Variants in PDGFC observed in about 807,000 individuals in gnomAD.
PDGFC encodes the protein platelet derived growth factor C, also known as platelet-derived growth factor C.
A neutral mutation model predicts 35.5 loss-of-function variants in PDGFC; 12 were observed. That is an observed-to-expected ratio of 0.34 (90% CI 0.22 to 0.55). PDGFC has a LOEUF of 0.55. Among genes scored for constraint, PDGFC ranks in the 20% least tolerant of loss-of-function variants. The pLI, the probability that PDGFC is intolerant of heterozygous loss-of-function variation, is 0.91. For missense variants in PDGFC, 322 were observed against 412.4 expected (o/e 0.78, Z 1.90); for synonymous variants, 159 against 148.8 (o/e 1.07, Z -0.50).
intron 2 of PDGFC, among the ~76,000 whole-genome samples, chr4:156,829,471 A>G (rs1728872563): frequency 6.6e-6 from 1 of 152,174 alleles, no homozygotes; most frequent in African/African-American, 2.4e-5. Flanking sequence ...CAATATCCCT[A>G]GGCAGAGATT....
In PDGFC at chr4:156,806,028, T is replaced by C. The variant is rs78408292; in HGVS notation, c.495+4809A>G. On this transcript the variant is annotated intron_variant, in intron 3 of 5. Transcript: ENST00000502773. ...AAAACACACAGTGGGGGTTATAATG[T>C]GGCTATAATACTTACATACTATACT... is the stretch of plus-strand genomic sequence containing the variant. Among the ~76,000 whole-genome samples the C allele has an allele frequency of 8.5e-5, 13 of 152,182 alleles. No homozygotes were observed. In the East Asian group the frequency reaches 2.5e-3, roughly 29 times the overall value.
At chr4:156,813,842 T>C (rs1732006917) in intron 2 of PDGFC, among the ~76,000 whole-genome samples, 1 of 152,140 alleles carries the variant, frequency 6.6e-6, no homozygotes, top group Non-Finnish European at 1.5e-5. Context: ...TTTTAAAAAA[T>C]TGAAGATCTG....
Position 156,854,412 on chromosome 4 carries a change from T to C in PDGFC, c.119-3996A>G, listed in dbSNP as rs568474394. On this transcript the variant is annotated intron_variant, in intron 1 of 5. Coordinates refer to ENST00000502773, the MANE Select transcript of PDGFC (RefSeq NM_016205.3). ...TTTCCTTTATAATTCACTATTAAAT[T>C]GGACTATATTTAAACATAATTTAAA... Among the ~76,000 whole-genome samples the C allele has an allele frequency of 4.6e-5, 7 of 152,252 alleles. 1 individual carries two copies. The South Asian group carries it at 1.5e-3, about 32-fold the overall frequency.
At position 156,761,009 on chromosome 4, in the gene PDGFC, C is replaced by T. The variant is rs1313150975; in HGVS notation, c.*2081G>A. ...GGAAGTAAGACAGAACACATAGGCT[C>T]ATTTTGTTTCTTTGTTTTCCACATA... On this transcript the variant is annotated 3_prime_UTR_variant, in exon 6 of 6. Transcript: ENST00000502773. 1 of 152,092 alleles carries T rather than the reference C, an allele frequency of 6.6e-6. No homozygotes were observed. Among genetic ancestry groups the T allele is most frequent in the East Asian group, 1.9e-4 (1 of 5,176 alleles). The allele number at this position is 152,092 out of a possible 1,614,324, so 9.4% of individuals were successfully genotyped here.
intron 1 of PDGFC, among the ~76,000 whole-genome samples, chr4:156,964,553 A>G (rs1015810214): frequency 6.6e-6 from 1 of 151,664 alleles, no homozygotes; most frequent in African/African-American, 2.4e-5. Context: ...TGTTCCCGTA[A>G]ATATTTCCGA....
At chr4:156,856,306 A>C (rs1399629810) in intron 1 of PDGFC, among the ~76,000 whole-genome samples, 1 of 152,194 alleles carries the variant, frequency 6.6e-6, no homozygotes, top group East Asian at 1.9e-4. Context: ...AAGACAGTTA[A>C]TCACTTTATT....
At chr4:156,901,022 T>G (rs574603167) in intron 1 of PDGFC, among the ~76,000 whole-genome samples, 119 of 151,910 alleles carry the variant, frequency 7.8e-4, no homozygotes, top group Non-Finnish European at 1.5e-3. Context: ...ATGCAAAAGA[T>G]GAAACTGAAA....
rs760123852 is a variant in PDGFC, at chr4:156,772,852, T to C, written c.537A>G (p.Ser179=). Residue 179 remains serine (S), a synonymous_variant, in exon 4 of 6, where the codon TCA becomes TCG. Transcript: ENST00000502773. ...EAVSPSVLPP[S]ALPLDLLNNA... Reference sequence around the variant, plus strand: ...TATTAAGCAGGTCCAGTGGCAAAGCTGAAGGGGGTAGCACTGAAGGACTCA... The same window carrying C: ...TATTAAGCAGGTCCAGTGGCAAAGCCGAAGGGGGTAGCACTGAAGGACTCA... The C allele has an allele frequency of 3.1e-6, 5 of 1,613,330 alleles. No individual in the cohort carries two copies. The highest frequency in any genetic ancestry group is 2.7e-5 in the African/African-American group (2 of 74,874).
intron 1 of PDGFC, among the ~76,000 whole-genome samples, chr4:156,889,121 T>A (rs2111189719): frequency 6.6e-6 from 1 of 152,304 alleles, no homozygotes; most frequent in Admixed American, 6.5e-5. Context: ...AAAGCTATTA[T>A]CTTCAAAAAC....
Position 156,850,366 on chromosome 4 carries a change from T to C in PDGFC, c.169A>G (p.Ser57Gly). The C allele has an allele frequency of 3.1e-6, 5 of 1,607,950 alleles. No individual in the cohort carries two copies. The highest frequency in any genetic ancestry group is 4.3e-6 in the Non-Finnish European group (5 of 1,176,366). The part of the protein sequence containing the change: ...ERIITVSTNG[S>G]IHSPRFPHTY... ...TGAGGAAACCTTGGGCTGTGAATAC[T>C]TCCATTAGTAGACACAGTAATAATT... is the stretch of plus-strand genomic sequence containing the variant. Residue 57 changes from serine to glycine, a missense_variant, in exon 2 of 6, where the codon AGT (serine) becomes GGT (glycine). Transcript: ENST00000502773.
intron 3 of PDGFC, among the ~76,000 whole-genome samples, chr4:156,782,397 A>G (rs555610809): frequency 4.6e-5 from 7 of 152,318 alleles, no homozygotes; most frequent in African/African-American, 1.7e-4. Flanking sequence ...TCTTAATTAC[A>G]GTGTACGGTG....
chr4:156,802,824 C>T lies in PDGFC; in HGVS notation c.495+8013G>A, dbSNP rs888485962. ...AATGTCCAATCAACTTTTAAGTGGCCAGCTTAAATTCTAGACTTAATCAGA... is the reference window on the plus strand; with the variant it reads ...AATGTCCAATCAACTTTTAAGTGGCTAGCTTAAATTCTAGACTTAATCAGA... On this transcript the variant is annotated intron_variant, in intron 3 of 5. Transcript: ENST00000502773. Among the ~76,000 whole-genome samples, 4 of 152,182 alleles carry T rather than the reference C, an allele frequency of 2.6e-5. No individual in the cohort carries two copies. In the East Asian group the frequency reaches 7.7e-4, roughly 29 times the overall value.
intron 1 of PDGFC, among the ~76,000 whole-genome samples, chr4:156,917,240 T>C (rs1421470870): frequency 1.3e-5 from 2 of 152,208 alleles, no homozygotes; most frequent in Non-Finnish European, 2.9e-5. Context: ...AATGATTCTT[T>C]GGGGAAAAAT....
intron 1 of PDGFC, among the ~76,000 whole-genome samples, chr4:156,878,974 T>G (rs1730180105): frequency 6.6e-6 from 1 of 152,168 alleles, no homozygotes; most frequent in Non-Finnish European, 1.5e-5. Context: ...TGGAAACATG[T>G]TTGACTTTAA....
At chr4:156,883,314 A>G (rs1451590228) in intron 1 of PDGFC, among the ~76,000 whole-genome samples, 1 of 152,172 alleles carries the variant, frequency 6.6e-6, no homozygotes, top group African/African-American at 2.4e-5. Context: ...ATATTTGATT[A>G]TACTCAATGG....
rs145330309 is a variant in PDGFC at position 156,913,587 on chromosome 4, T to G, written c.118+57199A>C. ...AAAAGCCCCTATTTCCCTCCCTCTC[T>G]TGAGGCTTCGCGCCAAATCTGTCTC... On this transcript the variant is annotated intron_variant, in intron 1 of 5. Transcript: ENST00000502773. 3.5e-3 allele frequency among the ~76,000 whole-genome samples: 527 copies of G among 152,172 alleles called. 4 individuals carry two copies. Among genetic ancestry groups the G allele is most frequent in the African/African-American group, 0.012 (498 of 41,566 alleles).
rs544471041 is a variant in PDGFC, at chr4:156,951,549, T to A, written c.118+19237A>T. On this transcript the variant is annotated intron_variant, in intron 1 of 5. Coordinates refer to ENST00000502773, the MANE Select transcript of PDGFC (RefSeq NM_016205.3). ...AATTAACCAGGATTTCTGAGTGGTTTCATTTTCAAGGTCACAATATAAATT... is the reference window on the plus strand; with the variant it reads ...AATTAACCAGGATTTCTGAGTGGTTACATTTTCAAGGTCACAATATAAATT... Among the ~76,000 whole-genome samples, 13 of 151,840 alleles carry A rather than the reference T, an allele frequency of 8.6e-5. No homozygotes were observed. The South Asian group carries it at 2.7e-3, about 31-fold the overall frequency.
At chr4:156,822,450 G>A (rs1399538660) in intron 2 of PDGFC, among the ~76,000 whole-genome samples, 1 of 151,102 alleles carries the variant, frequency 6.6e-6, no homozygotes, top group Non-Finnish European at 1.5e-5. Context: ...TACTGTATGA[G>A]GAAGCACATA....
At chr4:156,785,764 T>C (rs529027726) in intron 3 of PDGFC, among the ~76,000 whole-genome samples, 6 of 152,174 alleles carry the variant, frequency 3.9e-5, no homozygotes, top group Non-Finnish European at 8.8e-5. Context: ...TTTTTTTCCA[T>C]GTAGAATCTA....
Sources: allele counts gnomAD v4.1 joint callset (sites outside exome capture counted in the v4.1 genomes callset), GRCh38; gene constraint gnomAD v4.1.1; transcripts MANE v1.5; gene names NCBI Gene and HGNC (gene_info 2026-07-23, HGNC 2026-07-21).